INSL6: variants seen among roughly 807,000 people sequenced by gnomAD.
INSL6 encodes the protein insulin-like peptide INSL6.
A neutral mutation model predicts 9.4 loss-of-function variants in INSL6; 16 were observed. The ratio of observed to expected loss-of-function variants is 1.70; its 90% CI spans 1.15 to 2.59. INSL6 has a LOEUF of 2.59. Ranked by LOEUF, INSL6 falls within the 30% of genes most tolerant of loss-of-function variation. The pLI is 0.00. For missense variants in INSL6, 391 were observed against 257.3 expected, an observed-to-expected ratio of 1.52 and a Z score of -3.56; for synonymous variants, 154 against 96.9, an observed-to-expected ratio of 1.59 and a Z score of -3.46.
the INSL6 span, among the ~76,000 whole-genome samples, chr9:5,036,524 C>G: frequency 3.9e-5 from 6 of 152,130 alleles, no homozygotes; most frequent in African/African-American, 1.4e-4. Flanking sequence ...GGTATCAAAA[C>G]AGAGATATAG....
the INSL6 span, among the ~76,000 whole-genome samples, chr9:5,068,856 C>T: frequency 6.6e-5 from 10 of 152,122 alleles, no homozygotes; most frequent in Non-Finnish European, 1.3e-4. Flanking sequence ...TTGTAAATTG[C>T]CCTTTTGAGG....
intron 3 of INSL6, among the ~76,000 whole-genome samples, chr9:5,128,891 G>T (rs1824173126): frequency 6.6e-6 from 1 of 151,916 alleles, no homozygotes; most frequent in Admixed American, 6.6e-5. Flanking sequence ...AAGGGTAAAG[G>T]TATTCTTAGA....
chr9:5,069,891 T>C, the INSL6 span: 1 of 1,431,502 alleles, frequency 7.0e-7, no homozygotes, highest in Non-Finnish European at 9.6e-7. Context: ...TTCAGTGTAT[T>C]TTGAAGTGAT....
chr9:5,029,429 T>C, the INSL6 span, among the ~76,000 whole-genome samples: 1 of 152,140 alleles, frequency 6.6e-6, no homozygotes, highest in Non-Finnish European at 1.5e-5. Context: ...ATTGCAAGAA[T>C]TACCAAAATG....
intron 1 of INSL6, among the ~76,000 whole-genome samples, chr9:5,183,571 G>C (rs1586883077): frequency 6.6e-6 from 1 of 152,256 alleles, no homozygotes; most frequent in East Asian, 1.9e-4. Flanking sequence ...AGAGCACTTT[G>C]TTGAGAAAAG....
chr9:5,013,470 C>T, the INSL6 span, among the ~76,000 whole-genome samples: 7 of 152,186 alleles, frequency 4.6e-5, no homozygotes, highest in Non-Finnish European at 1.0e-4. Flanking sequence ...GCTTCTTCTT[C>T]AGACCACTCC....
At chr9:5,081,990 G>C in the INSL6 span, 1 of 745,714 alleles carries the variant, frequency 1.3e-6, no homozygotes, top group Non-Finnish European at 2.2e-6. Context: ...TTGGTTGTCA[G>C]ATGTTGGAGA....
chr9:5,099,758 G>C, the INSL6 span: 1 of 152,120 alleles, frequency 6.6e-6, no homozygotes, highest in African/African-American at 2.4e-5. Flanking sequence ...GGACAAACCT[G>C]ATCCCTTATA....
the INSL6 span, among the ~76,000 whole-genome samples, chr9:5,000,335 G>A: frequency 2.9e-4 from 44 of 152,084 alleles, no homozygotes; most frequent in Admixed American, 6.5e-4. Flanking sequence ...GGAAATAGTC[G>A]GAAATGTCCA....
the INSL6 span, chr9:5,108,725 G>A: frequency 6.6e-6 from 1 of 151,930 alleles, no homozygotes; most frequent in Non-Finnish European, 1.5e-5. Flanking sequence ...CCCTATGAGG[G>A]ATAGTTATGA....
chr9:5,139,254 T>G (rs1824443761), intron 2 of INSL6, among the ~76,000 whole-genome samples: 1 of 152,190 alleles, frequency 6.6e-6, no homozygotes, highest in Admixed American at 6.5e-5. Flanking sequence ...AAGTATATTT[T>G]TTTAATGATA....
chr9:5,008,741 C>T, the INSL6 span, among the ~76,000 whole-genome samples: 875 of 152,274 alleles, frequency 5.7e-3, 6 homozygotes, highest in Non-Finnish European at 9.7e-3. Context: ...TATCTCCTCT[C>T]AGCAGATCTT....
At chr9:5,077,688 T>C in the INSL6 span, 1 of 613,112 alleles carries the variant, frequency 1.6e-6, no homozygotes, top group Non-Finnish European at 2.6e-6. Flanking sequence ...GGATGCCAAT[T>C]CATGTAAAAT....
the INSL6 span, among the ~76,000 whole-genome samples, chr9:5,092,888 C>T: frequency 1.3e-5 from 2 of 152,152 alleles, no homozygotes; most frequent in Non-Finnish European, 2.9e-5. Context: ...AACTGTTAAT[C>T]TAAAGAGGGA....
chr9:5,160,902 A>C (rs990711549), downstream of INSL6, among the ~76,000 whole-genome samples: 5 of 152,158 alleles, frequency 3.3e-5, no homozygotes, highest in African/African-American at 1.2e-4. Context: ...GAAATCCAAA[A>C]CCTGTGAATA....
At chr9:5,136,152 C>T (rs1824383679) in intron 2 of INSL6, among the ~76,000 whole-genome samples, 1 of 152,126 alleles carries the variant, frequency 6.6e-6, no homozygotes, top group Non-Finnish European at 1.5e-5. Flanking sequence ...AAAAAAAAGT[C>T]CAGGACCAGA....
At chr9:5,005,083 ATTTTTTTTTTTTTTTTTTTTTTTTTTTTT>A in the INSL6 span, among the ~76,000 whole-genome samples, 12 of 40,034 alleles carry the variant, frequency 3.0e-4, no homozygotes, top group South Asian at 6.2e-3. Context: ...TGCCTGGCTA[ATTTTTTTTTTTTTTTTTTTTTTTTTTTTT>A]TTTTTTTTTT....
At chr9:5,089,883 C>G in the INSL6 span, 1 of 1,428,746 alleles carries the variant, frequency 7.0e-7, no homozygotes, top group South Asian at 1.7e-5. Flanking sequence ...CCATTGAAAC[C>G]TATTTTAAAT....
At chr9:5,020,087 G>A in the INSL6 span, among the ~76,000 whole-genome samples, 1 of 152,124 alleles carries the variant, frequency 6.6e-6, no homozygotes, top group African/African-American at 2.4e-5. Context: ...ACAGGCCCCT[G>A]GGCAGTGAGC....
Sources: allele counts gnomAD v4.1 joint callset (sites outside exome capture counted in the v4.1 genomes callset), GRCh38; gene constraint gnomAD v4.1.1; transcripts MANE v1.5; gene names NCBI Gene and HGNC (gene_info 2026-07-23, HGNC 2026-07-21).